NEK3: variants seen among roughly 807,000 people sequenced by gnomAD.
NEK3 encodes the protein serine/threonine-protein kinase Nek3.
NEK3 carries 54 observed loss-of-function variants against 66.0 expected under a neutral mutation model. The observed-to-expected ratio is 0.82, with a 90% CI of 0.66 to 1.03. The LOEUF (loss-of-function observed/expected upper bound fraction) is 1.03, where lower values mean the gene tolerates loss of function less well. Ranked by LOEUF, NEK3 falls within the 50% of genes least tolerant of loss-of-function variation. The probability of loss-of-function intolerance (pLI) is 0.00; values close to 1 mark genes in which losing one functional copy is unlikely to be tolerated. For missense variants in NEK3, 593 were observed against 603.0 expected (o/e 0.98, Z 0.17); for synonymous variants, 200 against 206.2 (o/e 0.97, Z 0.26).
At position 52,152,583 on chromosome 13, in the gene NEK3, TAAGTCC is replaced by T; in HGVS notation, c.393+20_393+25del. ...GACTGAATTAAGGACTTTTTTTTTT[TAAGTCC>T]AAAAATGTACTCCACTCACCTTGGA... On this transcript the variant is annotated intron_variant, in intron 5 of 15. Transcript: ENST00000610828. 1 of 1,470,082 alleles carries T rather than the reference TAAGTCC, an allele frequency of 6.8e-7. No homozygotes were observed. The highest frequency in any genetic ancestry group is 9.3e-7 in the Non-Finnish European group (1 of 1,074,212). 91.1% of individuals were successfully genotyped at this position (1,470,082 alleles called of 1,614,324 possible).
In NEK3 at chr13:52,144,192, T is replaced by C. The variant is rs556941493; in HGVS notation, c.805-205A>G. On this transcript the variant is annotated intron_variant, in intron 9 of 15. Transcript: ENST00000610828. ...ACTTTGGGAAGCCGAGACAGGCAGA[T>C]TGCCTGAGGTCAGGAGTTTGAGACC... Among the ~76,000 whole-genome samples the C allele has an allele frequency of 1.1e-4, 17 of 152,328 alleles. No homozygotes were observed. The East Asian group carries it at 2.5e-3, about 22-fold the overall frequency.
rs778546314 is a variant in NEK3 at position 52,133,672 on chromosome 13, T to C, written c.1436+17A>G. On this transcript the variant is annotated intron_variant, in intron 15 of 15. Transcript: ENST00000610828. ...CCCCAACCCCAGCTACAGCTTTCTA[T>C]GCATATCACAACGTACGTGTCCTCC... 7 of 1,550,480 alleles carry C rather than the reference T, an allele frequency of 4.5e-6. No homozygotes were observed. In the South Asian group the frequency reaches 6.0e-5, roughly 13 times the overall value.
In NEK3 at chr13:52,153,953, C is replaced by A; in HGVS notation, c.251G>T (p.Gly84Val). ...TTTAATCTTTTGCATTAGATCCCCT[C>A]CATCACAGTATTCCATCACAATATA... The part of the protein sequence containing the change: ...HLYIVMEYCD[G>V]GDLMQKIKQQ... Residue 84 changes from glycine (G) to valine (V), a missense_variant, in exon 4 of 16, where the codon GGA (glycine) becomes GTA (valine). Physicochemically the swap from Gly to Val is moderately radical, Grantham distance 109. Transcript: ENST00000610828. 2 of 1,613,000 alleles carry A rather than the reference C, an allele frequency of 1.2e-6. No homozygotes were observed. The highest frequency in any genetic ancestry group is 1.7e-6 in the Non-Finnish European group (2 of 1,179,274).
Position 52,144,827 on chromosome 13 carries a change from G to A in NEK3, c.668C>T (p.Pro223Leu), listed in dbSNP as rs760462632. The change falls in exon 9 of 16, where the codon CCG becomes CTG. Residue 223 changes from proline (P) to leucine (L), a missense_variant. Pro to Leu is a moderately conservative substitution (Grantham distance 98). Coordinates refer to ENST00000610828, the MANE Select transcript of NEK3 (RefSeq NM_002498.3). ...KVCQGCISPL[P>L]SHYSYELQFL... ...CTGAAGTTCATAGGAGTAATGAGAC[G>A]GCAGTGGACTGATGCACCCTTGACA... 44 of 1,612,918 alleles carry A rather than the reference G, an allele frequency of 2.7e-5. No individual in the cohort carries two copies. The highest frequency in any genetic ancestry group is 1.6e-4 in the Middle Eastern group (1 of 6,082).
rs1302872420 is a variant in NEK3, at chr13:52,153,904, A to G, written c.300T>C (p.Pro100=). 6.8e-6 allele frequency: 11 copies of G among 1,607,868 alleles called. No individual in the cohort carries two copies. The highest frequency in any genetic ancestry group is 9.4e-6 in the Non-Finnish European group (11 of 1,174,740). The change falls in exon 4 of 16, where the codon CCT becomes CCC. Residue 100 remains proline, a synonymous_variant. Coordinates refer to ENST00000610828, the MANE Select transcript of NEK3 (RefSeq NM_002498.3). The part of the protein sequence containing the change: ...KIKQQKGKLF[P]EDMILNWFTQ... ...TAAGTCAATCTCTTACCATGTCTTC[A>G]GGAAATAACTTTCCTTTCTGCTGTT...
chr13:52,148,421 C>A lies in NEK3; in HGVS notation c.597G>T (p.Lys199Asn). 6.2e-7 allele frequency: 1 copy of A among 1,613,046 alleles called. No homozygotes were observed. Among genetic ancestry groups the A allele is most frequent in the Non-Finnish European group, 8.5e-7 (1 of 1,179,372 alleles). Residue 199 changes from lysine (K) to asparagine (N), a missense_variant, in exon 8 of 16, where the codon AAG (lysine) becomes AAT (asparagine). By Grantham distance (94) the Lys-to-Asn change is moderately conservative (BLOSUM62 0). Coordinates refer to ENST00000610828, the MANE Select transcript of NEK3 (RefSeq NM_002498.3). ...GCILYELCTL[K>N]HPFQANSWKN... ...TTTTGCACGCCATACTTACTGGATG[C>A]TTAAGGGTACAGAGTTCATACAGGA...
At chr13:52,133,967 T>C (rs943812985) in intron 14 of NEK3, 152 bp from the exon 15 acceptor site, 14 of 713,344 alleles carry the variant, frequency 2.0e-5, no homozygotes, top group African/African-American at 8.9e-5. Flanking sequence ...CCCAACATGA[T>C]TGTAGGCATA....
At chr13:52,133,968 T>G (rs377336228) in intron 14 of NEK3, 153 bp from the exon 15 acceptor site, 1 of 710,566 alleles carries the variant, frequency 1.4e-6, no homozygotes, top group South Asian at 2.0e-5. Context: ...CCAACATGAT[T>G]GTAGGCATAA....
intron 11 of NEK3, among the ~76,000 whole-genome samples, chr13:52,137,699 G>A (rs546317025): frequency 1.3e-5 from 2 of 152,168 alleles, no homozygotes; most frequent in Non-Finnish European, 2.9e-5. Context: ...GGGCAGCTGT[G>A]AAAAGCCCCC....
At chr13:52,139,908 G>C (rs537967368) in intron 11 of NEK3, among the ~76,000 whole-genome samples, 17 of 151,318 alleles carry the variant, frequency 1.1e-4, no homozygotes, top group African/African-American at 3.9e-4. Flanking sequence ...CAAAATAAAC[G>C]AACCAAAAAG....
intron 4 of NEK3, 36 bp from the exon 5 acceptor site, chr13:52,152,728 C>T: frequency 3.0e-6 from 4 of 1,324,938 alleles, no homozygotes; most frequent in African/African-American, 1.5e-5. Context: ...TTCAAGAATG[C>T]AGTAACTGGC....
intron 4 of NEK3, 106 bp from the exon 5 acceptor site, chr13:52,152,798 G>T: frequency 1.5e-6 from 1 of 660,988 alleles, no homozygotes; most frequent in Non-Finnish European, 2.7e-6. Context: ...GGGATTTTAC[G>T]TAATGTGAGT....
At chr13:52,134,668 C>G (rs1185416484) in intron 14 of NEK3, among the ~76,000 whole-genome samples, 1 of 152,192 alleles carries the variant, frequency 6.6e-6, no homozygotes, top group Non-Finnish European at 1.5e-5. Flanking sequence ...CAGGGACTTT[C>G]CTAAAATGAC....
rs1046337613 is a variant in NEK3, at chr13:52,148,445, G to C, written c.573C>G (p.Ile191Met). The C allele has an allele frequency of 1.1e-5, 17 of 1,613,424 alleles. No homozygotes were observed. The highest frequency in any genetic ancestry group is 1.4e-5 in the Non-Finnish European group (17 of 1,179,682). The change falls in exon 8 of 16, where the codon ATC (isoleucine) becomes ATG (methionine). Residue 191 changes from isoleucine to methionine, a missense_variant. Ile to Met is a conservative substitution (Grantham distance 10). Transcript: ENST00000610828. The stretch of plus-strand genomic sequence containing the variant: ...GCTTAAGGGTACAGAGTTCATACAG[G>C]ATGCAACCCAAGGACCAGATGTCAC... The part of the protein sequence containing the change: ...NKSDIWSLGC[I>M]LYELCTLKHP...
At chr13:52,139,903 T>TA (rs1315650932) in intron 11 of NEK3, among the ~76,000 whole-genome samples, 1 of 150,726 alleles carries the variant, frequency 6.6e-6, no homozygotes, top group African/African-American at 2.4e-5. Context: ...TGTTTCAAAA[T>TA]AAACGAACCA....
chr13:52,135,655 T>C, intron 14 of NEK3, 74 bp downstream of exon 14: 1 of 1,355,696 alleles, frequency 7.4e-7, no homozygotes, highest in African/African-American at 1.5e-5. Flanking sequence ...AAATGTAAAT[T>C]TTATGTTATA....
At chr13:52,149,941 C>A (rs1414056375) in intron 7 of NEK3, among the ~76,000 whole-genome samples, 1 of 151,448 alleles carries the variant, frequency 6.6e-6, no homozygotes, top group Non-Finnish European at 1.5e-5. Flanking sequence ...CTCCTAAGAA[C>A]GAAGACCTAC....
At chr13:52,149,693 C>T (rs935825739) in intron 7 of NEK3, among the ~76,000 whole-genome samples, 3 of 152,010 alleles carry the variant, frequency 2.0e-5, no homozygotes, top group Non-Finnish European at 4.4e-5. Context: ...TATGGTGAAA[C>T]CCCATCTCTA....
chr13:52,138,856 A>G (rs1214649975), intron 11 of NEK3, among the ~76,000 whole-genome samples: 1 of 152,162 alleles, frequency 6.6e-6, no homozygotes, highest in Non-Finnish European at 1.5e-5. Context: ...CCTTGAGCCC[A>G]GGAGGTTGAG....
Sources: gnomAD v4.1 joint callset for allele counts (sites outside exome capture counted in the v4.1 genomes callset) on GRCh38, gnomAD v4.1.1 for gene constraint, MANE v1.5 for transcripts, NCBI Gene and HGNC (gene_info 2026-07-23, HGNC 2026-07-21) for gene names.